Variants in ADIG observed in about 807,000 individuals in gnomAD.
The protein encoded by ADIG is adipogenesis associated.
In ADIG, 12 loss-of-function variants were observed where a neutral mutation model predicts 10.7. The ratio of observed to expected loss-of-function variants is 1.12; its 90% CI spans 0.72 to 1.82. The LOEUF (loss-of-function observed/expected upper bound fraction) is 1.82, where lower values mean the gene tolerates loss of function less well. ADIG is among the 40% of genes most tolerant of loss of function. The probability of loss-of-function intolerance (pLI) is 0.00; values close to 1 mark genes in which losing one functional copy is unlikely to be tolerated. For synonymous variants in ADIG, 32 were observed against 35.6 expected (o/e 0.90, Z 0.36); for missense variants, 72 against 92.5 (o/e 0.78, Z 0.91).
intron 2 of ADIG, 131 bp from the exon 3 acceptor site, chr20:38,587,970 T>A: frequency 9.0e-7 from 1 of 1,105,980 alleles, no homozygotes; most frequent in South Asian, 1.6e-5. Context: ...ACTCCTGACC[T>A]TAGATGATCC....
At chr20:38,585,655 G>A (rs2088629786) in intron 1 of ADIG, 1 of 937,592 alleles carries the variant, frequency 1.1e-6, no homozygotes. Context: ...AGATCATTGT[G>A]CCTTTGTACT....
chr20:38,582,812 T>A, intron 1 of ADIG, among the ~76,000 whole-genome samples: 1 of 146,670 alleles, frequency 6.8e-6, no homozygotes, highest in Non-Finnish European at 1.5e-5. Context: ...GATATCATCC[T>A]TTTTTTTTTA....
Position 38,586,132 on chromosome 20 carries a change from G to C in ADIG, c.228G>C (p.Glu76Asp), listed in dbSNP as rs1283021706. The change falls in exon 2 of 3, where the codon GAG becomes GAC. Residue 76 changes from glutamate to aspartate, a missense_variant. Glu to Asp is a conservative substitution (Grantham distance 45). Transcript: ENST00000537425. Reference sequence around the variant, plus strand: ...GGACACTCCACGGCCAAGAGAAGGAGAGGCCCTGCTGGTGAGCCTGCTGTG... The same window carrying C: ...GGACACTCCACGGCCAAGAGAAGGACAGGCCCTGCTGGTGAGCCTGCTGTG... ...WKGTLHGQEK[E>D]RPCW 1 of 1,597,386 alleles carries C rather than the reference G, an allele frequency of 6.3e-7. No homozygotes were observed. The highest frequency in any genetic ancestry group is 1.7e-5 in the Admixed American group (1 of 57,606).
intron 1 of ADIG, among the ~76,000 whole-genome samples, chr20:38,584,608 G>A (rs968172031): frequency 3.3e-5 from 5 of 152,166 alleles, no homozygotes; most frequent in East Asian, 1.9e-4. Context: ...CTGTGAGCCT[G>A]GACAAGTGAT....
intron 2 of ADIG, among the ~76,000 whole-genome samples, chr20:38,587,779 C>T (rs1349940088): frequency 2.6e-5 from 4 of 151,008 alleles, no homozygotes; most frequent in Middle Eastern, 3.4e-3. Flanking sequence ...TCTCTGTTCC[C>T]CAGGCTGGAG....
At chr20:38,585,776 C>T in intron 1 of ADIG, 1 of 607,356 alleles carries the variant, frequency 1.6e-6, no homozygotes, top group Admixed American at 3.0e-5. Flanking sequence ...GTCATTTGCT[C>T]ACCTCTGTGT....
rs537727890 is a variant in ADIG at position 38,586,086 on chromosome 20, C to T, written c.182C>T (p.Pro61Leu). 1 of 1,610,496 alleles carries T rather than the reference C, an allele frequency of 6.2e-7. No homozygotes were observed. The highest frequency in any genetic ancestry group is 1.3e-5 in the African/African-American group (1 of 75,018). The change falls in exon 2 of 3, where the codon CCA (proline) becomes CTA (leucine). Residue 61 changes from proline (P) to leucine (L), a missense_variant. Coordinates refer to ENST00000537425, the MANE Select transcript of ADIG (RefSeq NM_001393816.1). ...CLDWEPWSKG[P>L]AEFCWKGTLH... ...GATTGGGAGCCCTGGAGCAAAGGCC[C>T]AGCTGAGTTTTGCTGGAAGGGGACA...
intron 1 of ADIG, chr20:38,585,426 A>G (rs1464446525): frequency 6.4e-7 from 1 of 1,550,438 alleles, no homozygotes; most frequent in East Asian, 2.4e-5. Flanking sequence ...TGCTTATAAT[A>G]TACCGTAGAT....
chr20:38,583,364 C>T (rs912725121), intron 1 of ADIG, among the ~76,000 whole-genome samples: 5 of 152,248 alleles, frequency 3.3e-5, no homozygotes, highest in African/African-American at 1.2e-4. Flanking sequence ...AATCCTGACT[C>T]TGCCACCTAC....
intron 2 of ADIG, among the ~76,000 whole-genome samples, chr20:38,587,896 C>G (rs899109693): frequency 1.4e-4 from 21 of 152,126 alleles, no homozygotes; most frequent in Non-Finnish European, 1.3e-4. Context: ...TGCCATCACG[C>G]CCGGCTAATT....
At chr20:38,583,633 A>G (rs1219368043) in intron 1 of ADIG, among the ~76,000 whole-genome samples, 1 of 152,212 alleles carries the variant, frequency 6.6e-6, no homozygotes, top group Non-Finnish European at 1.5e-5. Flanking sequence ...TGCCTTCTCC[A>G]GAGAGGAGAC....
At chr20:38,585,830 C>A (rs2088631341) in intron 1 of ADIG, 199 bp from the exon 2 acceptor site, 1 of 624,064 alleles carries the variant, frequency 1.6e-6, no homozygotes, top group East Asian at 2.8e-5. Context: ...CAGGAGCAGC[C>A]TTCTTTCTTG....
intron 1 of ADIG, among the ~76,000 whole-genome samples, chr20:38,583,831 G>A (rs1456793832): frequency 6.6e-6 from 1 of 152,204 alleles, no homozygotes; most frequent in Non-Finnish European, 1.5e-5. Flanking sequence ...ATTTTGCAAC[G>A]AAGAGAAACC....
chr20:38,585,277 C>T (rs1041655879), intron 1 of ADIG, among the ~76,000 whole-genome samples: 3 of 152,222 alleles, frequency 2.0e-5, no homozygotes, highest in Admixed American at 2.0e-4. Context: ...TCTTCCCCAT[C>T]CCTCTTTTTT....
chr20:38,585,956 G>A (rs910532995), intron 1 of ADIG, 73 bp from the exon 2 acceptor site: 218 of 1,435,460 alleles, frequency 1.5e-4, no homozygotes, highest in Non-Finnish European at 2.0e-4. Flanking sequence ...GGCCTGGCAG[G>A]GGACTCCTTC....
Position 38,588,085 on chromosome 20 carries a change from T to G in ADIG, c.*15-16T>G. The G allele has an allele frequency of 7.7e-7, 1 of 1,290,418 alleles. No homozygotes were observed. Among genetic ancestry groups the G allele is most frequent in the Non-Finnish European group, 1.0e-6 (1 of 981,658 alleles). 79.9% of individuals were successfully genotyped at this position (1,290,418 alleles called of 1,614,324 possible). A position where few individuals can be genotyped will look rare whatever the true frequency, so the allele number is the denominator to read the frequency against. ...CCCAATGGCATCCCTAGTCCCAACCTTCCTTTTGTTTCTAGTTTGGTTTTC... is the reference window on the plus strand; with the variant it reads ...CCCAATGGCATCCCTAGTCCCAACCGTCCTTTTGTTTCTAGTTTGGTTTTC... On this transcript the variant is annotated splice_polypyrimidine_tract_variant and intron_variant, in intron 2 of 2. Transcript: ENST00000537425.
intron 1 of ADIG, among the ~76,000 whole-genome samples, chr20:38,582,346 G>A (rs548676595): frequency 3.3e-5 from 5 of 151,228 alleles, no homozygotes; most frequent in Admixed American, 6.6e-5. Flanking sequence ...GCAGTGAGCC[G>A]AGATCACACC....
At chr20:38,585,368 G>A in intron 1 of ADIG, 1 of 1,523,998 alleles carries the variant, frequency 6.6e-7, no homozygotes, top group Non-Finnish European at 8.9e-7. Context: ...GGGGAATGGT[G>A]CAGCATTTGC....
At chr20:38,586,525 T>C (rs1490267291) in intron 2 of ADIG, among the ~76,000 whole-genome samples, 1 of 152,010 alleles carries the variant, frequency 6.6e-6, no homozygotes, top group Non-Finnish European at 1.5e-5. Context: ...TTCAGCAGAG[T>C]CCCACTGGCC....
Sources: gnomAD v4.1 joint callset for allele counts (sites outside exome capture counted in the v4.1 genomes callset) on GRCh38, gnomAD v4.1.1 for gene constraint, MANE v1.5 for transcripts, NCBI Gene and HGNC (gene_info 2026-07-23, HGNC 2026-07-21) for gene names.